The following KLHL2 variants were observed in gnomAD, a reference collection of about 807,000 sequenced individuals.
KLHL2 encodes kelch-like protein 2.
KLHL2 carries 15 observed loss-of-function variants against 75.8 expected under a neutral mutation model. The ratio of observed to expected loss-of-function variants is 0.20; its 90% CI spans 0.13 to 0.30. The LOEUF is 0.30. Among genes scored for constraint, KLHL2 ranks in the 10% least tolerant of loss-of-function variants. KLHL2 has a pLI of 1.00. For missense variants in KLHL2, 381 were observed against 741.0 expected (o/e 0.51, Z 5.64); for synonymous variants, 214 against 251.9 (o/e 0.85, Z 1.42).
chr4:165,253,939 T>C (rs868784847), intron 4 of KLHL2, among the ~76,000 whole-genome samples: 28 of 152,228 alleles, frequency 1.8e-4, no homozygotes, highest in African/African-American at 6.0e-4. Flanking sequence ...CTCCTCTGAC[T>C]AGAGACGGGA....
chr4:165,217,734 G>A lies in KLHL2; in HGVS notation c.27-2200G>A, dbSNP rs1043316231. 3.9e-5 allele frequency among the ~76,000 whole-genome samples: 6 copies of A among 152,252 alleles called. No individual in the cohort carries two copies. The South Asian group carries it at 1.2e-3, about 32-fold the overall frequency. On this transcript the variant is annotated intron_variant, in intron 1 of 14. Transcript: ENST00000226725. ...TGTTGAGTACCTGTTTCATGGCTTC[G>A]TGTACCATCCATGTAACCAGTGATT...
Position 165,297,689 on chromosome 4 carries a change from A to G in KLHL2, c.735A>G (p.Val245=). ...QEFMARLMEH[V]RLPLLPREYL... ...TTATGGCCCGACTGATGGAACATGT[A>G]CGGTTACCTTTGCTTCCTCGGGAAT... Residue 245 remains valine, a synonymous_variant, in exon 7 of 15, where the codon GTA becomes GTG. Coordinates refer to ENST00000226725, the MANE Select transcript of KLHL2 (RefSeq NM_007246.4). The G allele has an allele frequency of 6.2e-7, 1 of 1,613,610 alleles. No homozygotes were observed. The highest frequency in any genetic ancestry group is 8.5e-7 in the Non-Finnish European group (1 of 1,179,528).
At chr4:165,264,721 C>CATATACAT (rs1742051795) in intron 5 of KLHL2, among the ~76,000 whole-genome samples, 1 of 71,198 alleles carries the variant, frequency 1.4e-5, no homozygotes, top group South Asian at 6.5e-4. Flanking sequence ...TATATATATA[C>CATATACAT]ATATATATAT....
At chr4:165,304,421 A>G (rs1248055415) in intron 8 of KLHL2, among the ~76,000 whole-genome samples, 2 of 152,142 alleles carry the variant, frequency 1.3e-5, no homozygotes, top group Non-Finnish European at 2.9e-5. Context: ...TTTTGTGTAT[A>G]TGAGTTACTC....
intron 4 of KLHL2, 150 bp downstream of exon 4, chr4:165,239,049 C>G: frequency 7.5e-7 from 1 of 1,324,664 alleles, no homozygotes; most frequent in South Asian, 1.7e-5. Flanking sequence ...ATGATTACAC[C>G]TTTTTAGTAA....
chr4:165,264,682 A>ATGTGTGTGTGTG (rs760543186), intron 5 of KLHL2, among the ~76,000 whole-genome samples: 3 of 68,686 alleles, frequency 4.4e-5, no homozygotes, highest in African/African-American at 4.9e-5. Flanking sequence ...ACGTATATGT[A>ATGTGTGTGTGTG]TGTGTGTGTG....
rs574193014 is a variant in KLHL2 at position 165,273,177 on chromosome 4, T to A, written c.544+9818T>A. Among the ~76,000 whole-genome samples the A allele has an allele frequency of 2.6e-5, 4 of 152,322 alleles. No homozygotes were observed. In the East Asian group the frequency reaches 5.8e-4, roughly 22 times the overall value. ...CTTCGTTACTCCCCTTCCCTTTTTT[T>A]TATATGCAAACATTTTACTGAAGTC... On this transcript the variant is annotated intron_variant, in intron 5 of 14. Coordinates refer to ENST00000226725, the MANE Select transcript of KLHL2 (RefSeq NM_007246.4).
intron 11 of KLHL2, among the ~76,000 whole-genome samples, chr4:165,312,722 T>C (rs559073370): frequency 1.3e-5 from 2 of 152,362 alleles, no homozygotes; most frequent in African/African-American, 2.4e-5. Flanking sequence ...CTGAATATTT[T>C]AGTCATACAG....
At chr4:165,212,440 G>A (rs2110941882) in intron 1 of KLHL2, among the ~76,000 whole-genome samples, 1 of 152,200 alleles carries the variant, frequency 6.6e-6, no homozygotes, top group South Asian at 2.1e-4. Flanking sequence ...TGCAGTGAGT[G>A]GGTCCGTAAC....
chr4:165,299,269 A>G (rs2126515327), intron 7 of KLHL2, among the ~76,000 whole-genome samples: 1 of 152,172 alleles, frequency 6.6e-6, no homozygotes, highest in Non-Finnish European at 1.5e-5. Flanking sequence ...ATCATTTTTC[A>G]CTGTGGTTCT....
At chr4:165,244,650 C>CAAAA (rs1235678771) in intron 4 of KLHL2, among the ~76,000 whole-genome samples, 1 of 150,096 alleles carries the variant, frequency 6.7e-6, no homozygotes, top group African/African-American at 2.5e-5. Flanking sequence ...AACAAACAAA[C>CAAAA]AAACAAAAAA....
chr4:165,248,834 G>T (rs149575801), intron 4 of KLHL2, among the ~76,000 whole-genome samples: 5,199 of 152,270 alleles, frequency 0.034, 130 homozygotes, highest in Non-Finnish European at 0.051. Flanking sequence ...TCAGCTATAA[G>T]TTACTTGGAG....
Position 165,294,407 on chromosome 4 carries a change from G to T in KLHL2, c.593G>T (p.Gly198Val), listed in dbSNP as rs1560813663. The T allele has an allele frequency of 6.2e-7, 1 of 1,611,872 alleles. No homozygotes were observed. Among genetic ancestry groups the T allele is most frequent in the Non-Finnish European group, 8.5e-7 (1 of 1,178,272 alleles). ...VVLSEEFLNL[G>V]IEQVCSLISS... ...CTTAGTGAAGAATTTCTCAATCTTG[G>T]CATCGAACAAGTGTGCAGCTTAATC... is the stretch of plus-strand genomic sequence containing the variant. The change falls in exon 6 of 15, where the codon GGC becomes GTC. Residue 198 changes from glycine to valine, a missense_variant. By Grantham distance (109) the Gly-to-Val change is moderately radical. Around this residue, in one of 5 missense-constraint regions of KLHL2, gnomAD observed 111 missense variants for 150.1 expected, o/e 0.74. Coordinates refer to ENST00000226725, the MANE Select transcript of KLHL2 (RefSeq NM_007246.4).
intron 4 of KLHL2, among the ~76,000 whole-genome samples, chr4:165,242,091 C>T (rs546275597): frequency 6.7e-6 from 1 of 150,152 alleles, no homozygotes; most frequent in South Asian, 2.1e-4. Context: ...ATAATTTGAG[C>T]TAAATGAATT....
chr4:165,263,953 C>T (rs1255439119), intron 5 of KLHL2, among the ~76,000 whole-genome samples: 1 of 151,732 alleles, frequency 6.6e-6, no homozygotes, highest in Non-Finnish European at 1.5e-5. Context: ...GGTTCCATGG[C>T]CTACTGCTAC....
chr4:165,269,416 T>C (rs1417260887), intron 5 of KLHL2, among the ~76,000 whole-genome samples: 1 of 152,170 alleles, frequency 6.6e-6, no homozygotes, highest in African/African-American at 2.4e-5. Context: ...TCCATGGTCT[T>C]TACAATTTGG....
chr4:165,235,783 G>A (rs1739297427), intron 3 of KLHL2, among the ~76,000 whole-genome samples: 1 of 152,142 alleles, frequency 6.6e-6, no homozygotes, highest in Non-Finnish European at 1.5e-5. Context: ...GTGGAGATTA[G>A]CCTGGGAAAT....
intron 2 of KLHL2, among the ~76,000 whole-genome samples, chr4:165,221,786 C>G (rs1738016727): frequency 6.6e-6 from 1 of 152,178 alleles, no homozygotes; most frequent in African/African-American, 2.4e-5. Flanking sequence ...TGGGTTTTCA[C>G]TTATTCTTTG....
At position 165,322,139 on chromosome 4, in the gene KLHL2, C is replaced by G; in HGVS notation, c.*79C>G. On this transcript the variant is annotated 3_prime_UTR_variant, in exon 15 of 15. Coordinates refer to ENST00000226725, the MANE Select transcript of KLHL2 (RefSeq NM_007246.4). ...ATTTGTGAAGTGACTGAGAATCTAGCACTTCTCCACTTGTAGCTGCACTTT... is the reference window on the plus strand; with the variant it reads ...ATTTGTGAAGTGACTGAGAATCTAGGACTTCTCCACTTGTAGCTGCACTTT... 8.0e-7 allele frequency: 1 copy of G among 1,255,288 alleles called. No individual in the cohort carries two copies. Among genetic ancestry groups the G allele is most frequent in the African/African-American group, 1.5e-5 (1 of 67,920 alleles). The allele number at this position is 1,255,288 out of a possible 1,614,324, so 77.8% of individuals were successfully genotyped here. A position where few individuals can be genotyped will look rare whatever the true frequency, so the allele number is the denominator to read the frequency against.
Sources: gnomAD v4.1 joint callset for allele counts (sites outside exome capture counted in the v4.1 genomes callset) on GRCh38, gnomAD v4.1.1 for gene constraint, gnomAD v4.1.1 regional missense constraint, MANE v1.5 for transcripts, NCBI Gene and HGNC (gene_info 2026-07-23, HGNC 2026-07-21) for gene names.